The following DNAJA3 variants were observed in gnomAD, a reference collection of about 807,000 sequenced individuals.
DNAJA3 encodes the protein dnaJ homolog subfamily A member 3, mitochondrial.
Under a neutral mutation model 54.9 loss-of-function variants are expected in DNAJA3, and 29 were observed. That is an observed-to-expected ratio of 0.53 (90% confidence interval 0.39 to 0.72). The LOEUF is 0.72. Among genes scored for constraint, DNAJA3 ranks in the 30% least tolerant of loss-of-function variants. The pLI, the probability that DNAJA3 is intolerant of heterozygous loss-of-function variation, is 0.00. For synonymous variants in DNAJA3, 302 were observed against 251.4 expected (o/e 1.20, Z -1.90); for missense variants, 708 against 639.4 (o/e 1.11, Z -1.16).
intron 8 of DNAJA3, chr16:4,447,724 C>T (rs1474062616): frequency 1.3e-5 from 2 of 152,464 alleles, no homozygotes; most frequent in Non-Finnish European, 2.9e-5. Context: ...CCCCCTCATC[C>T]TAGTCACAGG....
intron 1 of DNAJA3, among the ~76,000 whole-genome samples, chr16:4,429,507 C>A (rs2056667157): frequency 6.6e-6 from 1 of 152,176 alleles, no homozygotes. Context: ...AGGTGTGAGT[C>A]ACCGCGCCCG....
chr16:4,442,881 T>C (rs1290060900), intron 5 of DNAJA3, 136 bp from the exon 6 acceptor site: 2 of 941,550 alleles, frequency 2.1e-6, no homozygotes, highest in Non-Finnish European at 3.2e-6. Flanking sequence ...CCTGGGTTCC[T>C]AGGCAGTGTG....
At position 4,450,483 on chromosome 16, in the gene DNAJA3, C is replaced by G; in HGVS notation, c.1325C>G (p.Thr442Ser). 1 of 1,609,006 alleles carries G rather than the reference C, an allele frequency of 6.2e-7. No individual in the cohort carries two copies. Among genetic ancestry groups the G allele is most frequent in the Non-Finnish European group, 8.5e-7 (1 of 1,178,024 alleles). Reference protein sequence around the residue: ...TDVEGTVNGVTLTSSGGSTMD... With the variant: ...TDVEGTVNGVSLTSSGGSTMD... The stretch of plus-strand genomic sequence containing the variant: ...GTGGAGGGGACGGTGAACGGCGTCA[C>G]CCTCACCAGCTCTGGTAAGGAGTCT... The change falls in exon 10 of 12, where the codon ACC becomes AGC. Residue 442 changes from threonine (T) to serine (S), a missense_variant. Thr to Ser is a moderately conservative substitution (Grantham distance 58). Coordinates refer to ENST00000262375, the MANE Select transcript of DNAJA3 (RefSeq NM_005147.6).
At position 4,425,886 on chromosome 16, in the gene DNAJA3, C is replaced by T. The variant is rs367736548; in HGVS notation, c.5C>T (p.Ala2Val). Residue 2 changes from alanine (A) to valine (V), a missense_variant, in exon 1 of 12, where the codon GCT becomes GTT. Transcript: ENST00000262375. ...GCGCAGAGTCCCCGGGCCAAGATGGCTGCGCGGTGCTCCACACGCTGGTTG... is the reference window on the plus strand; with the variant it reads ...GCGCAGAGTCCCCGGGCCAAGATGGTTGCGCGGTGCTCCACACGCTGGTTG... M[A>V]ARCSTRWLLV... The T allele has an allele frequency of 2.0e-6, 3 of 1,532,748 alleles. No homozygotes were observed. The highest frequency in any genetic ancestry group is 2.6e-6 in the Non-Finnish European group (3 of 1,142,018). The allele number at this position is 1,532,748 out of a possible 1,614,324, so 94.9% of individuals were successfully genotyped here.
At chr16:4,446,865 A>G (rs371363899) in intron 7 of DNAJA3, 21 bp from the exon 8 acceptor site, 7 of 1,613,044 alleles carry the variant, frequency 4.3e-6, no homozygotes, top group African/African-American at 1.3e-5. Context: ...CTTCACATGC[A>G]TCTGTCATGT....
chr16:4,426,167 G>C, intron 1 of DNAJA3, 75 bp downstream of exon 1: 1 of 1,392,190 alleles, frequency 7.2e-7, no homozygotes, highest in Non-Finnish European at 9.5e-7. Context: ...TGTGACTACG[G>C]CTGCAGGGGT....
At chr16:4,446,701 G>A (rs969947947) in intron 7 of DNAJA3, among the ~76,000 whole-genome samples, 185 bp from the exon 8 acceptor site, 4 of 152,212 alleles carry the variant, frequency 2.6e-5, no homozygotes, top group African/African-American at 9.6e-5. Context: ...TGTAGAACAT[G>A]TCATTCCTGG....
At chr16:4,455,026 A>T (rs2057019483) in intron 11 of DNAJA3, 99 bp downstream of exon 11, 5 of 816,682 alleles carry the variant, frequency 6.1e-6, no homozygotes, top group Non-Finnish European at 1.0e-5. Context: ...CACCCCCAGG[A>T]GTTGGAACAG....
intron 3 of DNAJA3, among the ~76,000 whole-genome samples, chr16:4,439,756 T>A (rs1009971419): frequency 1.3e-5 from 2 of 152,084 alleles, no homozygotes; most frequent in Non-Finnish European, 2.9e-5. Flanking sequence ...CAGGAAGTCA[T>A]GAACTCCCAC....
intron 7 of DNAJA3, among the ~76,000 whole-genome samples, chr16:4,445,424 A>T (rs1024597531): frequency 2.6e-5 from 4 of 152,256 alleles, no homozygotes; most frequent in African/African-American, 9.6e-5. Flanking sequence ...GTGAGATGGC[A>T]TTATGTATTA....
chr16:4,444,826 A>G, intron 7 of DNAJA3, 98 bp downstream of exon 7: 1 of 1,105,480 alleles, frequency 9.0e-7, no homozygotes. Flanking sequence ...TCACAGGAAC[A>G]TGTCTCGCCA....
At chr16:4,442,985 A>T (rs749046322) in intron 5 of DNAJA3, 32 bp from the exon 6 acceptor site, 1 of 1,609,076 alleles carries the variant, frequency 6.2e-7, no homozygotes, top group South Asian at 1.1e-5. Context: ...TTACCTGCGT[A>T]CTTAGGTTAC....
intron 7 of DNAJA3, 102 bp from the exon 8 acceptor site, chr16:4,446,784 G>A (rs2056906373): frequency 2.1e-6 from 3 of 1,420,348 alleles, no homozygotes; most frequent in East Asian, 2.3e-5. Flanking sequence ...TGGAAGGGGT[G>A]TGTAGTTTGT....
chr16:4,442,768 C>T lies in DNAJA3; in HGVS notation c.784-249C>T, dbSNP rs571612742. 81 of 573,520 alleles carry T rather than the reference C, an allele frequency of 1.4e-4. No individual in the cohort carries two copies. The African/African-American group carries it at 1.5e-3, about 10-fold the overall frequency. The allele number at this position is 573,520 out of a possible 1,614,324, so 35.5% of individuals were successfully genotyped here. On this transcript the variant is annotated intron_variant, in intron 5 of 11. Transcript: ENST00000262375. The stretch of plus-strand genomic sequence containing the variant: ...AGGAGTCTTCAGGTACTTCTGTAGA[C>T]AGGCGGTATCATATTTTTCAGTGTC...
Position 4,456,017 on chromosome 16 carries a change from CCCAGG to C in DNAJA3, c.*488_*492del, listed in dbSNP as rs1275885551. ...TTGTCTTCACTGGGAGCGTGGGGCCCCCAGGCCCCACCAGCACCGTCCTCCCCTAA... is the reference window on the plus strand; with the variant it reads ...TTGTCTTCACTGGGAGCGTGGGGCCCCCCCACCAGCACCGTCCTCCCCTAA... On this transcript the variant is annotated 3_prime_UTR_variant, in exon 12 of 12. Transcript: ENST00000262375. 2 of 178,278 alleles carry C rather than the reference CCCAGG, an allele frequency of 1.1e-5. No individual in the cohort carries two copies. The highest frequency in any genetic ancestry group is 2.4e-5 in the African/African-American group (1 of 42,492). 11.0% of individuals were successfully genotyped at this position (178,278 alleles called of 1,614,324 possible).
At chr16:4,431,849 A>T (rs1402847773) in intron 1 of DNAJA3, 3 of 152,072 alleles carry the variant, frequency 2.0e-5, no homozygotes, top group Non-Finnish European at 4.4e-5. Context: ...AAGTGCTGGG[A>T]TTACAATAGG....
At chr16:4,445,063 A>G (rs2056887006) in intron 7 of DNAJA3, among the ~76,000 whole-genome samples, 1 of 152,246 alleles carries the variant, frequency 6.6e-6, no homozygotes, top group South Asian at 2.1e-4. Context: ...ATACAGGGGC[A>G]AACCTTGGTT....
intron 1 of DNAJA3, among the ~76,000 whole-genome samples, chr16:4,428,525 C>T (rs150425085): frequency 7.7e-4 from 118 of 152,266 alleles, no homozygotes; most frequent in African/African-American, 2.7e-3. Context: ...GTTCATGTTC[C>T]AGCTGTACAA....
intron 10 of DNAJA3, 28 bp downstream of exon 10, chr16:4,450,525 CA>C: frequency 6.4e-7 from 1 of 1,557,536 alleles, no homozygotes; most frequent in East Asian, 2.3e-5. Context: ...TACATGGTGA[CA>C]CGTGGGGGCC....
Sources: gnomAD v4.1 joint callset for allele counts (sites outside exome capture counted in the v4.1 genomes callset) on GRCh38, gnomAD v4.1.1 for gene constraint, MANE v1.5 for transcripts, NCBI Gene and HGNC (gene_info 2026-07-23, HGNC 2026-07-21) for gene names.